The following DST variants were observed in gnomAD, a reference collection of about 807,000 sequenced individuals.
DST encodes bullous pemphigoid antigen.
Under a neutral mutation model 875.2 loss-of-function variants are expected in DST, and 253 were observed. That is an observed-to-expected ratio of 0.29 (90% CI 0.26 to 0.32). The LOEUF (loss-of-function observed/expected upper bound fraction) is 0.32, where lower values mean the gene tolerates loss of function less well. Ranked by LOEUF, DST falls within the 10% of genes least tolerant of loss-of-function variation. DST has a pLI of 1.00. For synonymous variants in DST, 3,124 were observed against 3,197.1 expected, an observed-to-expected ratio of 0.98 and a Z score of 0.77; for missense variants, 8,287 against 9,111.6, an observed-to-expected ratio of 0.91 and a Z score of 3.68.
In DST at chr6:56,553,130, A is replaced by G. The variant is rs748939446; in HGVS notation, c.15662T>C (p.Met5221Thr). The G allele has an allele frequency of 1.2e-6, 2 of 1,614,020 alleles. No individual in the cohort carries two copies. Among genetic ancestry groups the G allele is most frequent in the Non-Finnish European group, 1.7e-6 (2 of 1,179,904 alleles). Reference sequence around the variant, plus strand: ...GGCTGTGTTGTTCAGTAATTCTACCATACCAAAGTGTTGGTCCATTTCCTT... The same window carrying G: ...GGCTGTGTTGTTCAGTAATTCTACCGTACCAAAGTGTTGGTCCATTTCCTT... ...LQKEMDQHFGMVELLNNTANS... is the reference protein window; with the variant it reads ...LQKEMDQHFGTVELLNNTANS... Residue 5221 changes from methionine (M) to threonine (T), a missense_variant, in exon 61 of 104, where the codon ATG becomes ACG. This residue lies in a region of DST where 1,513 missense variants were observed against 1,677.8 expected (regional missense o/e 0.90). Transcript: ENST00000680361.
At chr6:56,503,461 AG>A (rs1282687707) in intron 78 of DST, among the ~76,000 whole-genome samples, 2 of 152,112 alleles carry the variant, frequency 1.3e-5, no homozygotes, top group African/African-American at 2.4e-5. Flanking sequence ...TATCAGGAAA[AG>A]AAAAATGATG....
At chr6:56,813,301 G>C (rs984681215) in intron 4 of DST, among the ~76,000 whole-genome samples, 1 of 149,442 alleles carries the variant, frequency 6.7e-6, no homozygotes, top group East Asian at 2.0e-4. Flanking sequence ...GAGTTAATGG[G>C]TGCAGCACAC....
At chr6:56,517,344 A>C (rs761318592) in intron 70 of DST, 39 bp from the exon 71 acceptor site, 8 of 1,594,010 alleles carry the variant, frequency 5.0e-6, no homozygotes, top group Non-Finnish European at 6.9e-6. Flanking sequence ...ATAAAACAAG[A>C]AATTGTATGA....
At chr6:56,777,830 G>A (rs1231522390) in intron 4 of DST, among the ~76,000 whole-genome samples, 1 of 151,738 alleles carries the variant, frequency 6.6e-6, no homozygotes, top group East Asian at 1.9e-4. Flanking sequence ...CCAAGTACCT[G>A]GACTACAGGC....
intron 67 of DST, 66 bp from the exon 68 acceptor site, chr6:56,527,800 A>G: frequency 1.4e-6 from 2 of 1,479,936 alleles, no homozygotes; most frequent in Non-Finnish European, 1.8e-6. Flanking sequence ...GTTTCTTCAG[A>G]TATTATGGAA....
chr6:56,730,916 C>G (rs942031081), intron 5 of DST, among the ~76,000 whole-genome samples: 6 of 152,172 alleles, frequency 3.9e-5, no homozygotes, highest in African/African-American at 1.4e-4. Context: ...GGAAAAAAGC[C>G]ACGGATGTCT....
intron 61 of DST, among the ~76,000 whole-genome samples, chr6:56,543,347 C>T (rs1204785880): frequency 6.6e-6 from 1 of 152,170 alleles, no homozygotes; most frequent in African/African-American, 2.4e-5. Context: ...AACTGTTCTC[C>T]AGAGTAAAGT....
chr6:56,528,952 T>C, intron 66 of DST, 27 bp from the exon 67 acceptor site: 7 of 1,442,716 alleles, frequency 4.9e-6, no homozygotes, highest in Non-Finnish European at 6.7e-6. Flanking sequence ...CATTTTTATG[T>C]GGGGGGAAAA....
chr6:56,539,318 A>G (rs995992647), intron 61 of DST, among the ~76,000 whole-genome samples: 1 of 152,200 alleles, frequency 6.6e-6, no homozygotes, highest in Non-Finnish European at 1.5e-5. Context: ...ATTGTTTTCT[A>G]CAAATAAACT....
intron 4 of DST, among the ~76,000 whole-genome samples, chr6:56,784,553 C>T (rs2099701058): frequency 6.6e-6 from 1 of 152,182 alleles, no homozygotes; most frequent in Non-Finnish European, 1.5e-5. Flanking sequence ...ACGTAGTTCT[C>T]GAGCCTTGGC....
intron 4 of DST, among the ~76,000 whole-genome samples, chr6:56,754,918 A>G (rs2099597841): frequency 6.6e-6 from 1 of 152,192 alleles, no homozygotes; most frequent in Non-Finnish European, 1.5e-5. Flanking sequence ...AGAATCAGAA[A>G]GGAATGAGAT....
At chr6:56,486,851 T>TGG (rs2095587681) in intron 87 of DST, among the ~76,000 whole-genome samples, 1 of 152,060 alleles carries the variant, frequency 6.6e-6, no homozygotes, top group African/African-American at 2.4e-5. Context: ...TCAGAAGCAG[T>TGG]GGGTGTAGTC....
In DST at chr6:56,619,971, C is replaced by G. The variant is rs916801391; in HGVS notation, c.4929+4559G>C. The G allele has an allele frequency of 1.9e-5, 31 of 1,613,938 alleles. No homozygotes were observed. The highest frequency in any genetic ancestry group is 2.6e-5 in the Non-Finnish European group (31 of 1,179,994). On this transcript the variant is annotated intron_variant, in intron 36 of 103. Coordinates refer to ENST00000680361, the MANE Select transcript of DST (RefSeq NM_001374736.1). Reference sequence around the variant, plus strand: ...TCTTCTGCTTTCTGCTTGTCATGTTCTTGCTGGAGACCCGTTACTGCCCTG... The same window carrying G: ...TCTTCTGCTTTCTGCTTGTCATGTTGTTGCTGGAGACCCGTTACTGCCCTG...
Position 56,617,124 on chromosome 6 carries a change from G to A in DST, c.4930-2640C>T, listed in dbSNP as rs2230865. On this transcript the variant is annotated intron_variant, in intron 36 of 103. Coordinates refer to ENST00000680361, the MANE Select transcript of DST (RefSeq NM_001374736.1). ...TCAACAGTCTTAAGACCGAGTCGCAGCTGCTCAATTGTTCTCATGTCCAGA... is the reference window on the plus strand; with the variant it reads ...TCAACAGTCTTAAGACCGAGTCGCAACTGCTCAATTGTTCTCATGTCCAGA... 2.5e-5 allele frequency: 41 copies of A among 1,611,506 alleles called. No homozygotes were observed. The East Asian group carries it at 8.3e-4, about 32-fold the overall frequency.
chr6:56,618,635 A>C, intron 36 of DST: 1 of 1,614,092 alleles, frequency 6.2e-7, no homozygotes, highest in Non-Finnish European at 8.5e-7. Context: ...AAGTTCTTTA[A>C]TGTTTGTTTC....
At chr6:56,529,377 C>G in intron 66 of DST, 71 bp downstream of exon 66, 1 of 1,209,410 alleles carries the variant, frequency 8.3e-7, no homozygotes, top group Non-Finnish European at 1.1e-6. Context: ...TAAAATTGTA[C>G]AGAAATAAGG....
chr6:56,695,869 A>C (rs1000088055), intron 9 of DST, among the ~76,000 whole-genome samples: 1 of 152,358 alleles, frequency 6.6e-6, no homozygotes, highest in African/African-American at 2.4e-5. Flanking sequence ...TGTAAAGTAT[A>C]GAGAAAAAGG....
chr6:56,865,579 C>T (rs1433953161), intron 3 of DST, among the ~76,000 whole-genome samples: 1 of 152,012 alleles, frequency 6.6e-6, no homozygotes, highest in Non-Finnish European at 1.5e-5. Context: ...TGGTCTGGAA[C>T]TCCTGGGCTC....
chr6:56,575,810 A>G (rs2097855025), intron 50 of DST, among the ~76,000 whole-genome samples: 1 of 152,124 alleles, frequency 6.6e-6, no homozygotes, highest in South Asian at 2.1e-4. Flanking sequence ...CCTGACATAG[A>G]GCTCCTAAGA....
Sources: gnomAD v4.1 joint callset for allele counts (sites outside exome capture counted in the v4.1 genomes callset) on GRCh38, gnomAD v4.1.1 for gene constraint, gnomAD v4.1.1 regional missense constraint, MANE v1.5 for transcripts, NCBI Gene and HGNC (gene_info 2026-07-23, HGNC 2026-07-21) for gene names.